Variants in ASIC2 observed in about 807,000 individuals in gnomAD.
The protein encoded by ASIC2 is acid sensing ion channel subunit 2, also known as acid-sensing ion channel 2.
In ASIC2, 25 loss-of-function variants were observed where a neutral mutation model predicts 57.3. The ratio of observed to expected loss-of-function variants is 0.44; its 90% CI spans 0.32 to 0.61. The LOEUF (loss-of-function observed/expected upper bound fraction) is 0.61, where lower values mean the gene tolerates loss of function less well. ASIC2 is among the 20% of genes least tolerant of loss of function. ASIC2 has a pLI of 0.06. For missense variants in ASIC2, 641 were observed against 738.1 expected (o/e 0.87, Z 1.52); for synonymous variants, 319 against 307.5 (o/e 1.04, Z -0.39).
intron 1 of ASIC2, among the ~76,000 whole-genome samples, chr17:33,669,211 G>C (rs76059671): frequency 6.6e-6 from 1 of 152,166 alleles, no homozygotes; most frequent in East Asian, 1.9e-4. Context: ...CTGCCTCAAG[G>C]TTCAGCCATT....
intron 1 of ASIC2, among the ~76,000 whole-genome samples, chr17:33,493,642 G>A (rs1378326250): frequency 1.3e-5 from 2 of 151,766 alleles, no homozygotes; most frequent in Non-Finnish European, 1.5e-5. Context: ...TAGGACTAGC[G>A]CTCTGTTAAA....
At chr17:33,095,664 C>T (rs1243817202) in intron 2 of ASIC2, among the ~76,000 whole-genome samples, 1 of 152,210 alleles carries the variant, frequency 6.6e-6, no homozygotes, top group East Asian at 1.9e-4. Flanking sequence ...TGCTGCAGCC[C>T]AGTGAGTGGG....
chr17:34,057,487 A>T (rs1249824597), intron 1 of ASIC2, among the ~76,000 whole-genome samples: 7 of 152,168 alleles, frequency 4.6e-5, no homozygotes, highest in Non-Finnish European at 7.3e-5. Context: ...ACTTGGTGCA[A>T]TTATGGCTGC....
At chr17:33,633,451 T>G (rs1906241745) in intron 1 of ASIC2, among the ~76,000 whole-genome samples, 1 of 152,184 alleles carries the variant, frequency 6.6e-6, no homozygotes, top group East Asian at 1.9e-4. Context: ...TCCCAGTCCC[T>G]GCCACAAGCT....
At chr17:33,617,495 C>T (rs1247509188) in intron 1 of ASIC2, among the ~76,000 whole-genome samples, 1 of 148,888 alleles carries the variant, frequency 6.7e-6, no homozygotes, top group Non-Finnish European at 1.5e-5. Context: ...CCAGGGACTA[C>T]TGGAGGGTGG....
chr17:33,306,355 G>A (rs1173201187), intron 1 of ASIC2, among the ~76,000 whole-genome samples: 1 of 152,032 alleles, frequency 6.6e-6, no homozygotes, highest in Admixed American at 6.6e-5. Context: ...CCCCTAGCCT[G>A]TTTTTTTCCA....
intron 1 of ASIC2, among the ~76,000 whole-genome samples, chr17:33,144,479 A>G (rs1043412480): frequency 2.0e-5 from 3 of 152,088 alleles, no homozygotes; most frequent in African/African-American, 7.2e-5. Context: ...CAGCACTTGA[A>G]CCCTGTGAGA....
At chr17:34,061,218 T>A (rs535994427) in intron 1 of ASIC2, among the ~76,000 whole-genome samples, 1 of 152,138 alleles carries the variant, frequency 6.6e-6, no homozygotes, top group East Asian at 1.9e-4. Flanking sequence ...AAAACCATTA[T>A]CAGCCAAGAA....
chr17:34,115,014 C>G (rs538902365), intron 1 of ASIC2, among the ~76,000 whole-genome samples: 5 of 152,328 alleles, frequency 3.3e-5, no homozygotes, highest in African/African-American at 1.2e-4. Flanking sequence ...AACAGAGAAA[C>G]AACTTTCCCT....
chr17:33,798,327 G>A (rs1012896960), intron 1 of ASIC2, among the ~76,000 whole-genome samples: 8 of 152,206 alleles, frequency 5.3e-5, no homozygotes, highest in African/African-American at 1.9e-4. Context: ...CTGCGTGGAA[G>A]GGTAGAGAAT....
intron 1 of ASIC2, among the ~76,000 whole-genome samples, chr17:33,441,299 A>G (rs1188624491): frequency 6.6e-6 from 1 of 152,176 alleles, no homozygotes; most frequent in East Asian, 1.9e-4. Context: ...CTTGAAAAAC[A>G]TTTTTAAAAG....
chr17:33,388,837 C>T (rs1909789576), intron 1 of ASIC2, among the ~76,000 whole-genome samples: 1 of 152,254 alleles, frequency 6.6e-6, no homozygotes, highest in Non-Finnish European at 1.5e-5. Flanking sequence ...GCTGCACTCC[C>T]TGTGGTAACC....
chr17:33,910,485 T>A (rs1246045522), intron 1 of ASIC2, among the ~76,000 whole-genome samples: 1 of 152,214 alleles, frequency 6.6e-6, no homozygotes, highest in Non-Finnish European at 1.5e-5. Context: ...GCATTATTCT[T>A]CCATCGAGAT....
At chr17:33,045,001 G>T (rs1002760873) in intron 3 of ASIC2, among the ~76,000 whole-genome samples, 1 of 151,988 alleles carries the variant, frequency 6.6e-6, no homozygotes, top group Non-Finnish European at 1.5e-5. Flanking sequence ...AGATACAGAG[G>T]TATAAAGAGG....
intron 1 of ASIC2, among the ~76,000 whole-genome samples, chr17:33,527,738 G>A (rs148748412): frequency 4.6e-5 from 7 of 152,198 alleles, no homozygotes; most frequent in Non-Finnish European, 1.0e-4. Context: ...CTAAAATGAA[G>A]TACATCTGTT....
At chr17:33,975,181 G>A (rs545848585) in intron 1 of ASIC2, among the ~76,000 whole-genome samples, 1 of 152,286 alleles carries the variant, frequency 6.6e-6, no homozygotes, top group African/African-American at 2.4e-5. Flanking sequence ...AATCCTAATT[G>A]AGACCGTCTC....
intron 1 of ASIC2, among the ~76,000 whole-genome samples, chr17:33,841,413 A>G (rs1913432783): frequency 6.6e-6 from 1 of 152,212 alleles, no homozygotes; most frequent in African/African-American, 2.4e-5. Flanking sequence ...TTTAAGCCTA[A>G]AGTGCTGGAG....
intron 1 of ASIC2, among the ~76,000 whole-genome samples, chr17:33,660,962 G>C (rs1256644656): frequency 6.6e-6 from 1 of 152,108 alleles, no homozygotes; most frequent in African/African-American, 2.4e-5. Flanking sequence ...CCTTAACCTT[G>C]AGCTCAGCCT....
intron 1 of ASIC2, among the ~76,000 whole-genome samples, chr17:33,830,872 A>C (rs1010812902): frequency 1.3e-5 from 2 of 152,016 alleles, no homozygotes; most frequent in Non-Finnish European, 2.9e-5. Flanking sequence ...GCATTTTAGG[A>C]GGCCAAAGTG....
Sources: allele counts gnomAD v4.1 joint callset (sites outside exome capture counted in the v4.1 genomes callset), GRCh38; gene constraint gnomAD v4.1.1; transcripts MANE v1.5; gene names NCBI Gene and HGNC (gene_info 2026-07-23, HGNC 2026-07-21).